Variants in MT1E observed in about 807,000 individuals in gnomAD.
The protein encoded by MT1E is metallothionein-1E.
Under a neutral mutation model 2.4 loss-of-function variants are expected in MT1E, and 1 was observed. The observed-to-expected ratio is 0.41, with a 90% CI of 0.15 to 1.97. The LOEUF (loss-of-function observed/expected upper bound fraction) is 1.97. MT1E is among the 30% of genes most tolerant of loss of function. The pLI, the probability that MT1E is intolerant of heterozygous loss-of-function variation, is 0.30. For synonymous variants in MT1E, 78 were observed against 63.0 expected, an observed-to-expected ratio of 1.24 and a Z score of -1.13; for missense variants, 145 against 149.6, an observed-to-expected ratio of 0.97 and a Z score of 0.16.
chr16:56,625,907 C>A (rs570524516), intron 1 of MT1E, 28 bp downstream of exon 1: 2 of 1,613,846 alleles, frequency 1.2e-6, no homozygotes, highest in South Asian at 1.1e-5. Context: ...CCCTGGAATC[C>A]CCATTTCCCA....
intron 1 of MT1E, 59 bp downstream of exon 1, chr16:56,625,938 T>C: frequency 1.2e-6 from 2 of 1,605,098 alleles, no homozygotes; most frequent in African/African-American, 1.3e-5. Context: ...AGAGGGTCTC[T>C]GGGTTTCAGG....
rs755129864 is a variant in MT1E at position 56,626,826 on chromosome 16, G to T, written c.*5G>T. 9.9e-6 allele frequency: 16 copies of T among 1,614,058 alleles called. No individual in the cohort carries two copies. The highest frequency in any genetic ancestry group is 1.4e-5 in the Non-Finnish European group (16 of 1,180,024). ...TCGAGCCAGGCTTGCTATTAGGGCAGGGAGGTGCCCGGTCAAGTCTACTGC... is the reference window on the plus strand; with the variant it reads ...TCGAGCCAGGCTTGCTATTAGGGCATGGAGGTGCCCGGTCAAGTCTACTGC... On this transcript the variant is annotated 3_prime_UTR_variant, in exon 2 of 2. Coordinates refer to ENST00000330439, the MANE Select transcript of MT1E (RefSeq NM_001363555.2).
chr16:56,626,321 G>A, intron 1 of MT1E, 145 bp from the exon 2 acceptor site: 2 of 1,272,426 alleles, frequency 1.6e-6, no homozygotes, highest in Non-Finnish European at 2.2e-6. Flanking sequence ...GAGAGGACAT[G>A]GGGCTTCTGT....
Position 56,626,541 on chromosome 16 carries a change from G to T in MT1E, c.104G>T (p.Gly35Val), listed in dbSNP as rs376122980. 5 of 1,614,130 alleles carry T rather than the reference G, an allele frequency of 3.1e-6. No homozygotes were observed. Among genetic ancestry groups the T allele is most frequent in the Non-Finnish European group, 4.2e-6 (5 of 1,180,056 alleles). Residue 35 changes from glycine (G) to valine (V), a missense_variant, in exon 2 of 2, where the codon GGG (glycine) becomes GTG (valine). By Grantham distance (109) the Gly-to-Val change is moderately radical. Transcript: ENST00000330439. ...KCTSCKKSEC[G>V]AISRNLGLWL... ...ACCTCCTGCAAGAAGAGTGAGTGCG[G>T]GGCCATCTCCAGGAATCTGGGGCTG... is the stretch of plus-strand genomic sequence containing the variant.
rs748749075 is a variant in MT1E, at chr16:56,626,520, C to T, written c.83C>T (p.Ser28Phe). Reference protein sequence around the residue: ...SCKCKECKCTSCKKSECGAIS... With the variant: ...SCKCKECKCTFCKKSECGAIS... Reference sequence around the variant, plus strand: ...AAGTGCAAAGAGTGCAAATGCACCTCCTGCAAGAAGAGTGAGTGCGGGGCC... The same window carrying T: ...AAGTGCAAAGAGTGCAAATGCACCTTCTGCAAGAAGAGTGAGTGCGGGGCC... The change falls in exon 2 of 2, where the codon TCC (serine) becomes TTC (phenylalanine). Residue 28 changes from serine to phenylalanine, a missense_variant. Coordinates refer to ENST00000330439, the MANE Select transcript of MT1E (RefSeq NM_001363555.2). 5.6e-6 allele frequency: 9 copies of T among 1,614,148 alleles called. No homozygotes were observed. Among genetic ancestry groups the T allele is most frequent in the Admixed American group, 1.7e-5 (1 of 60,012 alleles).
At position 56,626,482 on chromosome 16, in the gene MT1E, C is replaced by T. The variant is rs948970861; in HGVS notation, c.45C>T (p.Cys15=). 8 of 1,613,730 alleles carry T rather than the reference C, an allele frequency of 5.0e-6. No homozygotes were observed. The Admixed American group carries it at 5.0e-5, about 10-fold the overall frequency. ...TCCTTGTAGGTGGCTCCTGCACGTGCGCCGGCTCCTGCAAGTGCAAAGAGT... is the reference window on the plus strand; with the variant it reads ...TCCTTGTAGGTGGCTCCTGCACGTGTGCCGGCTCCTGCAAGTGCAAAGAGT... ...CSCATGGSCT[C]AGSCKCKECK... The change falls in exon 2 of 2, where the codon TGC becomes TGT. Residue 15 remains cysteine (C), a synonymous_variant. Coordinates refer to ENST00000330439, the MANE Select transcript of MT1E (RefSeq NM_001363555.2).
At position 56,626,599 on chromosome 16, in the gene MT1E, C is replaced by T. The variant is rs754727420; in HGVS notation, c.162C>T (p.Ala54=). The change falls in exon 2 of 2, where the codon GCC becomes GCT. Residue 54 remains alanine, a synonymous_variant. Coordinates refer to ENST00000330439, the MANE Select transcript of MT1E (RefSeq NM_001363555.2). The stretch of plus-strand genomic sequence containing the variant: ...GGTTGGGAGGGAACTCAAGGCTGGC[C>T]CTGAGTGCATCCTTCTGGGGAACTG... The part of the protein sequence containing the change: ...WLRLGGNSRL[A]LSASFWGTGL... The T allele has an allele frequency of 6.2e-7, 1 of 1,614,166 alleles. No individual in the cohort carries two copies. Among genetic ancestry groups the T allele is most frequent in the South Asian group, 1.1e-5 (1 of 91,084 alleles).
rs561924752 is a variant in MT1E, at chr16:56,625,808, T to G, written c.-44T>G. 9 of 1,611,642 alleles carry G rather than the reference T, an allele frequency of 5.6e-6. No individual in the cohort carries two copies. Among genetic ancestry groups the G allele is most frequent in the Non-Finnish European group, 6.8e-6 (8 of 1,179,118 alleles). ...TCTGCTTTCCAACTGCCTGACTGCT[T>G]GTTCGTCTCACTGGTGTGAGCTCCA... On this transcript the variant is annotated 5_prime_UTR_variant, in exon 1 of 2. Coordinates refer to ENST00000330439, the MANE Select transcript of MT1E (RefSeq NM_001363555.2).
At position 56,626,869 on chromosome 16, in the gene MT1E, T is replaced by G; in HGVS notation, c.*48T>G. ...TCTACTGCCACCTCTCACTCTCCCC[T>G]TCTTCCCCAGGCTGCTGTTCCTGCT... On this transcript the variant is annotated 3_prime_UTR_variant, in exon 2 of 2. Transcript: ENST00000330439. 6.2e-7 allele frequency: 1 copy of G among 1,614,184 alleles called. No homozygotes were observed. Among genetic ancestry groups the G allele is most frequent in the African/African-American group, 1.3e-5 (1 of 75,048 alleles).
In MT1E at chr16:56,626,461, TG is replaced by T. The variant is rs1960209851; in HGVS notation, c.29-4del. ...CTGCCCACTGCGTTTTCCTCTTCCT[TG>T]TAGGTGGCTCCTGCACGTGCGCCGG... is the stretch of plus-strand genomic sequence containing the variant. On this transcript the variant is annotated splice_region_variant and splice_polypyrimidine_tract_variant and intron_variant, in intron 1 of 1. Transcript: ENST00000330439. The T allele has an allele frequency of 1.9e-6, 3 of 1,614,204 alleles. No individual in the cohort carries two copies. In the East Asian group the frequency reaches 6.7e-5, roughly 36 times the overall value.
At chr16:56,625,997 A>G (rs1440011749) in intron 1 of MT1E, 118 bp downstream of exon 1, 7 of 1,207,254 alleles carry the variant, frequency 5.8e-6, no homozygotes, top group Non-Finnish European at 8.6e-6. Flanking sequence ...ACTTCGTTAG[A>G]TGCTTTCTTC....
At chr16:56,626,324 G>A in intron 1 of MT1E, 142 bp from the exon 2 acceptor site, 2 of 1,286,700 alleles carry the variant, frequency 1.6e-6, no homozygotes, top group Non-Finnish European at 2.2e-6. Flanking sequence ...AGGACATGGG[G>A]CTTCTGTTCC....
rs1251600528 is a variant in MT1E, at chr16:56,625,833, AG to A, written c.-18del. On this transcript the variant is annotated 5_prime_UTR_variant, in exon 1 of 2. Coordinates refer to ENST00000330439, the MANE Select transcript of MT1E (RefSeq NM_001363555.2). ...TGTTCGTCTCACTGGTGTGAGCTCC[AG>A]CATCCCCTTTGCTCGAAATGGACCC... The A allele has an allele frequency of 6.2e-7, 1 of 1,613,006 alleles. No homozygotes were observed. Among genetic ancestry groups the A allele is most frequent in the African/African-American group, 1.3e-5 (1 of 74,890 alleles).
At position 56,627,052 on chromosome 16, in the gene MT1E, T is replaced by G; in HGVS notation, c.*231T>G. 6.5e-7 allele frequency: 1 copy of G among 1,531,242 alleles called. No homozygotes were observed. Among genetic ancestry groups the G allele is most frequent in the African/African-American group, 1.4e-5 (1 of 72,368 alleles). The allele number at this position is 1,531,242 out of a possible 1,614,324, so 94.9% of individuals were successfully genotyped here. On this transcript the variant is annotated 3_prime_UTR_variant, in exon 2 of 2. Coordinates refer to ENST00000330439, the MANE Select transcript of MT1E (RefSeq NM_001363555.2). ...TTTTTAAAAATACAACACTGAGCCATTTGCTGCATTTCTTTTTATACTAAA... is the reference window on the plus strand; with the variant it reads ...TTTTTAAAAATACAACACTGAGCCAGTTGCTGCATTTCTTTTTATACTAAA...
At position 56,626,309 on chromosome 16, in the gene MT1E, T is replaced by C. The variant is rs188504958; in HGVS notation, c.29-157T>C. On this transcript the variant is annotated intron_variant, in intron 1 of 1. Transcript: ENST00000330439. ...GGGTCCTTGCCCTTCCCAGCGTTAG[T>C]GGAGAGGACATGGGGCTTCTGTTCC... Among the ~76,000 whole-genome samples the C allele has an allele frequency of 1.3e-4, 20 of 152,266 alleles. No homozygotes were observed. The East Asian group carries it at 3.9e-3, about 29-fold the overall frequency.
At position 56,626,934 on chromosome 16, in the gene MT1E, G is replaced by A. The variant is rs776519534; in HGVS notation, c.*113G>A. On this transcript the variant is annotated 3_prime_UTR_variant, in exon 2 of 2. Transcript: ENST00000330439. ...GCCAAGTGTGCCCAGGGCTGCGTCTGCAAAGGGGCATCGGAGAAGTGCAGC... is the reference window on the plus strand; with the variant it reads ...GCCAAGTGTGCCCAGGGCTGCGTCTACAAAGGGGCATCGGAGAAGTGCAGC... The A allele has an allele frequency of 6.2e-7, 1 of 1,614,234 alleles. No individual in the cohort carries two copies. The highest frequency in any genetic ancestry group is 8.5e-7 in the Non-Finnish European group (1 of 1,180,050).
rs563265704 is a variant in MT1E at position 56,626,736 on chromosome 16, C to A, written c.299C>A (p.Pro100His). 1.1e-5 allele frequency: 18 copies of A among 1,604,848 alleles called. No homozygotes were observed. In the South Asian group the frequency reaches 1.8e-4, roughly 16 times the overall value. Residue 100 changes from proline to histidine, a missense_variant, in exon 2 of 2, where the codon CCC (proline) becomes CAC (histidine). Transcript: ENST00000330439. ...FSWDTNPNCTPYGFRTELCQT... is the reference protein window; with the variant it reads ...FSWDTNPNCTHYGFRTELCQT... ...TGGGACACAAACCCCAACTGTACCCCCTATGGTTTCAGAACAGAGCTGTGC... is the reference window on the plus strand; with the variant it reads ...TGGGACACAAACCCCAACTGTACCCACTATGGTTTCAGAACAGAGCTGTGC...
In MT1E at chr16:56,626,835, C is replaced by A. The variant is rs748178840; in HGVS notation, c.*14C>A. On this transcript the variant is annotated 3_prime_UTR_variant, in exon 2 of 2. Transcript: ENST00000330439. ...GCTTGCTATTAGGGCAGGGAGGTGC[C>A]CGGTCAAGTCTACTGCCACCTCTCA... The A allele has an allele frequency of 1.2e-5, 20 of 1,614,036 alleles. No individual in the cohort carries two copies. Among genetic ancestry groups the A allele is most frequent in the Non-Finnish European group, 1.6e-5 (19 of 1,180,032 alleles).
rs759513300 is a variant in MT1E, at chr16:56,626,977, G to T, written c.*156G>T. ...AGTGCAGCTGCTGTGCCTGATGTGG[G>T]AACAGCTCTTCTCCCAGATGTAAAT... On this transcript the variant is annotated 3_prime_UTR_variant, in exon 2 of 2. Transcript: ENST00000330439. 1.2e-6 allele frequency: 2 copies of T among 1,614,202 alleles called. No homozygotes were observed. Among genetic ancestry groups the T allele is most frequent in the South Asian group, 1.1e-5 (1 of 91,086 alleles).
Sources: allele counts gnomAD v4.1 joint callset (sites outside exome capture counted in the v4.1 genomes callset), GRCh38; gene constraint gnomAD v4.1.1; transcripts MANE v1.5; gene names NCBI Gene and HGNC (gene_info 2026-07-23, HGNC 2026-07-21).